ARHGAP6: variants seen among roughly 807,000 people sequenced by gnomAD.
The protein encoded by ARHGAP6 is Rho GTPase activating protein 6.
A neutral mutation model predicts 55.7 loss-of-function variants in ARHGAP6; 16 were observed. That is an observed-to-expected ratio of 0.29 (90% CI 0.19 to 0.44). The LOEUF (loss-of-function observed/expected upper bound fraction) is 0.44, where lower values mean the gene tolerates loss of function less well. ARHGAP6 is among the 20% of genes least tolerant of loss of function. ARHGAP6 has a pLI of 1.00. For synonymous variants in ARHGAP6, 382 were observed against 360.9 expected (o/e 1.06, Z -0.66); for missense variants, 698 against 808.9 (o/e 0.86, Z 1.66).
At chrX:11,561,741 T>C (rs1210081666) in intron 1 of ARHGAP6, among the ~76,000 whole-genome samples, 33 of 112,166 alleles carry the variant, frequency 2.9e-4, no homozygotes, top group South Asian at 7.4e-4. Context: ...TGGACAAAAA[T>C]GGACTAGTGA....
Position 11,591,085 on chromosome X carries a change from C to T in ARHGAP6, c.588+73156G>A, listed in dbSNP as rs1032251257. On this transcript the variant is annotated intron_variant, in intron 1 of 12. Coordinates refer to ENST00000337414, the MANE Select transcript of ARHGAP6 (RefSeq NM_013427.3). The stretch of plus-strand genomic sequence containing the variant: ...CGGGCGCCTGTAGTCCCAGCTACTC[C>T]GGAGGCTGAGGCAGGAGAATCACTT... Among the ~76,000 whole-genome samples the T allele has an allele frequency of 6.5e-5, 7 of 107,501 alleles. No homozygotes were observed. In the South Asian group the frequency reaches 1.2e-3, roughly 19 times the overall value. 93.4% of individuals were successfully genotyped at this position (107,501 alleles called of 115,157 possible).
At chrX:11,560,886 A>G (rs1046214355) in intron 1 of ARHGAP6, among the ~76,000 whole-genome samples, 7 of 112,211 alleles carry the variant, frequency 6.2e-5, no homozygotes, top group African/African-American at 1.9e-4. Flanking sequence ...TTACCCATCA[A>G]TCAAATAACA....
intron 2 of ARHGAP6, 32 bp from the exon 3 acceptor site, chrX:11,197,028 TA>T: frequency 1.4e-6 from 1 of 730,173 alleles, no homozygotes; most frequent in Non-Finnish European, 2.1e-6. Context: ...GTTATAAAGA[TA>T]AACATATAAG....
chrX:11,293,669 TA>T (rs2048032489), intron 1 of ARHGAP6, among the ~76,000 whole-genome samples: 1 of 112,184 alleles, frequency 8.9e-6, no homozygotes, highest in African/African-American at 3.2e-5. Context: ...AGTGCTTGTC[TA>T]ATTCCAAAGG....
At chrX:11,571,392 T>C (rs1213859050) in intron 1 of ARHGAP6, among the ~76,000 whole-genome samples, 5 of 110,731 alleles carry the variant, frequency 4.5e-5, no homozygotes, top group Non-Finnish European at 9.4e-5. Context: ...CACTTAACTA[T>C]AGTAGGTAGA....
chrX:11,222,449 CTT>C (rs913958678), intron 2 of ARHGAP6, among the ~76,000 whole-genome samples: 1 of 111,546 alleles, frequency 9.0e-6, no homozygotes, highest in African/African-American at 3.3e-5. Context: ...TGGTGCAGAT[CTT>C]TTATGACTGC....
intron 3 of ARHGAP6, 108 bp downstream of exon 3, chrX:11,196,817 T>A (rs1253666081): frequency 5.9e-6 from 3 of 510,764 alleles, no homozygotes; most frequent in Non-Finnish European, 1.0e-5. Flanking sequence ...AAATCCAGTT[T>A]TCATAACAGA....
At chrX:11,517,898 T>C (rs2050861327) in intron 1 of ARHGAP6, among the ~76,000 whole-genome samples, 1 of 110,916 alleles carries the variant, frequency 9.0e-6, no homozygotes, top group Non-Finnish European at 1.9e-5. Flanking sequence ...GATGGGTTGA[T>C]AGGTACAGCA....
At chrX:11,549,409 T>C (rs762012841) in intron 1 of ARHGAP6, among the ~76,000 whole-genome samples, 86 of 111,870 alleles carry the variant, frequency 7.7e-4, no homozygotes, top group Non-Finnish European at 1.4e-3. Flanking sequence ...ACATCCACGA[T>C]ATAAAAAGAG....
chrX:11,289,111 C>T (rs2047954996), intron 1 of ARHGAP6, among the ~76,000 whole-genome samples: 2 of 112,018 alleles, frequency 1.8e-5, no homozygotes, highest in South Asian at 7.4e-4. Flanking sequence ...TTAGCAAATG[C>T]CTACGGACTT....
At chrX:11,459,113 C>G (rs764061372) in intron 1 of ARHGAP6, among the ~76,000 whole-genome samples, 3 of 111,276 alleles carry the variant, frequency 2.7e-5, no homozygotes, top group African/African-American at 9.8e-5. Flanking sequence ...TTAACTTCTA[C>G]TAGCCATCTT....
At chrX:11,479,170 G>T (rs1335658063) in intron 1 of ARHGAP6, among the ~76,000 whole-genome samples, 1 of 112,166 alleles carries the variant, frequency 8.9e-6, no homozygotes, top group Admixed American at 9.5e-5. Context: ...GACTTACAGG[G>T]TCCTGAGTTT....
intron 2 of ARHGAP6, among the ~76,000 whole-genome samples, chrX:11,217,081 T>C (rs1371666576): frequency 8.9e-6 from 1 of 112,335 alleles, no homozygotes; most frequent in East Asian, 2.8e-4. Flanking sequence ...TTCCATGATG[T>C]ATATATGCCA....
At chrX:11,600,761 A>T (rs2051959340) in intron 1 of ARHGAP6, among the ~76,000 whole-genome samples, 1 of 111,480 alleles carries the variant, frequency 9.0e-6, no homozygotes, top group African/African-American at 3.3e-5. Context: ...GAGTGTATGG[A>T]GTTTATTTTG....
intron 1 of ARHGAP6, among the ~76,000 whole-genome samples, chrX:11,411,186 TATATATATATATATATA>T (rs1252092923): frequency 1.1e-4 from 5 of 46,041 alleles, no homozygotes; most frequent in African/African-American, 4.8e-4. Flanking sequence ...ACATTATTTA[TATATATATATATATATA>T]TATATATATA....
intron 1 of ARHGAP6, among the ~76,000 whole-genome samples, chrX:11,522,148 C>T (rs1224455726): frequency 9.0e-6 from 1 of 111,236 alleles, no homozygotes; most frequent in Non-Finnish European, 1.9e-5. Context: ...GGGTACATAA[C>T]GAAATGAAGG....
intron 10 of ARHGAP6, among the ~76,000 whole-genome samples, chrX:11,145,788 C>A (rs1365593632): frequency 8.9e-6 from 1 of 112,521 alleles, no homozygotes; most frequent in African/African-American, 3.2e-5. Context: ...AATCAGTAAA[C>A]CAAATGTGGG....
intron 1 of ARHGAP6, among the ~76,000 whole-genome samples, chrX:11,370,702 T>G (rs763463150): frequency 8.9e-6 from 1 of 111,929 alleles, no homozygotes; most frequent in East Asian, 2.8e-4. Context: ...ACTTATTCAT[T>G]GTACACTTGC....
chrX:11,372,038 T>G (rs1427621507), intron 1 of ARHGAP6, among the ~76,000 whole-genome samples: 1 of 112,441 alleles, frequency 8.9e-6, no homozygotes. Context: ...TAGTTAATTT[T>G]AAGACATAAA....
Sources: gnomAD v4.1 joint callset for allele counts (sites outside exome capture counted in the v4.1 genomes callset) on GRCh38, gnomAD v4.1.1 for gene constraint, MANE v1.5 for transcripts, NCBI Gene and HGNC (gene_info 2026-07-23, HGNC 2026-07-21) for gene names.